The following ATG10 variants were observed in gnomAD, a reference collection of about 807,000 sequenced individuals.
ATG10 encodes ubiquitin-like-conjugating enzyme ATG10.
ATG10 carries 30 observed loss-of-function variants against 32.1 expected under a neutral mutation model. The observed-to-expected ratio is 0.94, with a 90% CI of 0.70 to 1.27. The LOEUF (loss-of-function observed/expected upper bound fraction) is 1.27, where lower values mean the gene tolerates loss of function less well. Among genes scored for constraint, ATG10 ranks in the 50% most tolerant of loss-of-function variants. The pLI is 0.00. For missense variants in ATG10, 233 were observed against 262.3 expected, an observed-to-expected ratio of 0.89 and a Z score of 0.77; for synonymous variants, 87 against 91.5, an observed-to-expected ratio of 0.95 and a Z score of 0.28.
chr5:81,997,005 A>G (rs1364122792), intron 2 of ATG10, among the ~76,000 whole-genome samples: 1 of 152,158 alleles, frequency 6.6e-6, no homozygotes, highest in Non-Finnish European at 1.5e-5. Context: ...GTCTGCCAGC[A>G]TCCCTCTGAC....
At chr5:82,176,195 AT>A (rs1744013808) in intron 4 of ATG10, among the ~76,000 whole-genome samples, 1 of 152,112 alleles carries the variant, frequency 6.6e-6, no homozygotes, top group Non-Finnish European at 1.5e-5. Context: ...TAAGGAAGGC[AT>A]TTTTTCATCA....
intron 3 of ATG10, among the ~76,000 whole-genome samples, chr5:82,159,963 T>A (rs1383399429): frequency 1.3e-5 from 2 of 152,176 alleles, no homozygotes; most frequent in Non-Finnish European, 2.9e-5. Flanking sequence ...TCTAAAACTA[T>A]AGTATAATAT....
At chr5:82,082,584 T>C (rs1418048281) in intron 3 of ATG10, among the ~76,000 whole-genome samples, 1 of 152,080 alleles carries the variant, frequency 6.6e-6, no homozygotes, top group Non-Finnish European at 1.5e-5. Flanking sequence ...ACTTTGAGAT[T>C]TTTTTCCCTT....
rs1472468986 is a variant in ATG10, at chr5:82,253,382, G to A, written c.620G>A (p.Ser207Asn). ...GTTGTTGGGCTGAATCTACCTCTGA[G>A]TTATGCCAAAGCAACGTCTCAGGAT... ...GPVVGLNLPL[S>N]YAKATSQDER... The change falls in exon 7 of 8, where the codon AGT becomes AAT. Residue 207 changes from serine to asparagine, a missense_variant. Ser to Asn is a conservative substitution (Grantham distance 46). Coordinates refer to ENST00000282185, the MANE Select transcript of ATG10 (RefSeq NM_031482.5). The A allele has an allele frequency of 1.9e-6, 3 of 1,612,588 alleles. No homozygotes were observed. The highest frequency in any genetic ancestry group is 1.1e-5 in the South Asian group (1 of 91,046).
intron 5 of ATG10, among the ~76,000 whole-genome samples, chr5:82,194,191 T>G (rs374357985): frequency 1.2e-4 from 19 of 152,168 alleles, no homozygotes; most frequent in Admixed American, 6.5e-4. Flanking sequence ...GGTGTGTGTG[T>G]GGGGAAAGGG....
intron 2 of ATG10, 52 bp downstream of exon 2, chr5:81,987,730 TTTTGTTTTGG>T (rs1761331766): frequency 1.4e-6 from 2 of 1,471,110 alleles, no homozygotes; most frequent in African/African-American, 2.8e-5. Context: ...TTTTGTTTTG[TTTTGTTTTGG>T]TTTGTTGACA....
intron 3 of ATG10, among the ~76,000 whole-genome samples, chr5:82,129,832 C>A (rs1207132570): frequency 6.6e-6 from 1 of 152,126 alleles, no homozygotes; most frequent in Non-Finnish European, 1.5e-5. Flanking sequence ...CAGGGAGCCA[C>A]TTGAGGAGGC....
intron 2 of ATG10, among the ~76,000 whole-genome samples, chr5:82,058,289 A>G (rs957783367): frequency 1.3e-5 from 2 of 152,198 alleles, no homozygotes; most frequent in African/African-American, 4.8e-5. Context: ...TCATTAATAA[A>G]TAAGAGAGGT....
chr5:82,163,827 T>C (rs1743463507), intron 3 of ATG10, among the ~76,000 whole-genome samples: 1 of 152,212 alleles, frequency 6.6e-6, no homozygotes, highest in South Asian at 2.1e-4. Context: ...AGATTTATTG[T>C]AGAAATATAC....
chr5:82,120,440 G>C (rs1370640714), intron 3 of ATG10, among the ~76,000 whole-genome samples: 1 of 152,114 alleles, frequency 6.6e-6, no homozygotes. Context: ...GTCACAAATA[G>C]ATGGATTTGA....
chr5:82,059,459 A>C lies in ATG10; in HGVS notation c.216+857A>C, dbSNP rs188966331. Among the ~76,000 whole-genome samples the C allele has an allele frequency of 1.5e-4, 23 of 150,496 alleles. No individual in the cohort carries two copies. The East Asian group carries it at 4.3e-3, about 28-fold the overall frequency. On this transcript the variant is annotated intron_variant, in intron 3 of 7. Transcript: ENST00000282185. ...TATATCATGGACATCTTTCCATGTC[A>C]GTAAATGCAGATTTCCATAGTTCTC...
intron 2 of ATG10, among the ~76,000 whole-genome samples, chr5:82,012,178 C>G (rs918447089): frequency 2.8e-4 from 42 of 152,160 alleles, no homozygotes; most frequent in African/African-American, 1.0e-3. Context: ...CCACAGACTC[C>G]CACTGTTCTT....
chr5:82,031,656 T>A (rs1378098343), intron 2 of ATG10, among the ~76,000 whole-genome samples: 1 of 152,232 alleles, frequency 6.6e-6, no homozygotes, highest in African/African-American at 2.4e-5. Flanking sequence ...AGTAGTGAGC[T>A]CCACCTTGGG....
chr5:82,026,342 T>C (rs191359356), intron 2 of ATG10, among the ~76,000 whole-genome samples: 133 of 152,316 alleles, frequency 8.7e-4, no homozygotes, highest in African/African-American at 2.8e-3. Context: ...CGAATAATAT[T>C]GTATATACGT....
chr5:82,058,667 T>G (rs1190123646), intron 3 of ATG10, 65 bp downstream of exon 3: 4 of 1,076,946 alleles, frequency 3.7e-6, no homozygotes, highest in Non-Finnish European at 5.7e-6. Flanking sequence ...AAATGTATAC[T>G]TTAATGACTC....
intron 2 of ATG10, among the ~76,000 whole-genome samples, chr5:82,057,318 C>G (rs1259608053): frequency 6.6e-6 from 1 of 152,162 alleles, no homozygotes; most frequent in East Asian, 1.9e-4. Flanking sequence ...CTTAAAGTAA[C>G]AGAAATTTAT....
chr5:82,243,855 G>A (rs11743436), intron 5 of ATG10, among the ~76,000 whole-genome samples: 87,701 of 151,976 alleles, frequency 0.58, 27,277 homozygotes, highest in African/African-American at 0.79. Context: ...TTTATGTATA[G>A]CCTTTTAAGT....
intron 3 of ATG10, among the ~76,000 whole-genome samples, chr5:82,080,325 C>T (rs111695371): frequency 5.3e-5 from 8 of 152,178 alleles, no homozygotes; most frequent in South Asian, 4.1e-4. Flanking sequence ...CTGTTGACTC[C>T]GATGGTAGTT....
At chr5:82,160,395 C>T (rs543097040) in intron 3 of ATG10, among the ~76,000 whole-genome samples, 1 of 152,242 alleles carries the variant, frequency 6.6e-6, no homozygotes, top group Admixed American at 6.5e-5. Flanking sequence ...TATGGATGTA[C>T]CACAGTCTGT....
Sources: allele counts gnomAD v4.1 joint callset (sites outside exome capture counted in the v4.1 genomes callset), GRCh38; gene constraint gnomAD v4.1.1; transcripts MANE v1.5; gene names NCBI Gene and HGNC (gene_info 2026-07-23, HGNC 2026-07-21).